DAB1: variants seen among roughly 807,000 people sequenced by gnomAD.
DAB1 encodes the protein disabled homolog 1.
In DAB1, 15 loss-of-function variants were observed where a neutral mutation model predicts 64.6. The ratio of observed to expected loss-of-function variants is 0.23; its 90% CI spans 0.16 to 0.36. The LOEUF (loss-of-function observed/expected upper bound fraction) is 0.36. Among genes scored for constraint, DAB1 ranks in the 10% least tolerant of loss-of-function variants. The pLI is 1.00. For synonymous variants in DAB1, 235 were observed against 251.9 expected, an observed-to-expected ratio of 0.93 and a Z score of 0.64; for missense variants, 596 against 706.7, an observed-to-expected ratio of 0.84 and a Z score of 1.78.
chr1:58,172,228 G>A (rs34184812), intron 4 of DAB1, among the ~76,000 whole-genome samples: 10,485 of 152,216 alleles, frequency 0.069, 406 homozygotes, highest in Admixed American at 0.088. Context: ...TATATGTCAG[G>A]GAGAGCAGGG....
At chr1:58,100,730 T>C (rs1354448916) in intron 5 of DAB1, among the ~76,000 whole-genome samples, 2 of 152,222 alleles carry the variant, frequency 1.3e-5, no homozygotes, top group Non-Finnish European at 2.9e-5. Context: ...CATTCACTGA[T>C]CTGTAAGCCC....
intron 1 of DAB1, among the ~76,000 whole-genome samples, chr1:57,313,102 C>T (rs984594191): frequency 3.9e-5 from 6 of 152,052 alleles, no homozygotes; most frequent in Non-Finnish European, 5.9e-5. Context: ...GATGCAGTGC[C>T]CCAGTTTTTA....
chr1:58,121,510 C>G (rs1300404199), intron 5 of DAB1, among the ~76,000 whole-genome samples: 1 of 152,118 alleles, frequency 6.6e-6, no homozygotes, highest in African/African-American at 2.4e-5. Flanking sequence ...AGGTTCAAGT[C>G]AAAGATTCAG....
chr1:57,956,211 A>G (rs7514570), intron 5 of DAB1, among the ~76,000 whole-genome samples: 1,729 of 152,264 alleles, frequency 0.011, 34 homozygotes, highest in African/African-American at 0.04. Flanking sequence ...CACTCAAGAG[A>G]GAAGAGCTCA....
At chr1:57,149,408 T>A (rs1659452164) in intron 2 of DAB1, among the ~76,000 whole-genome samples, 1 of 152,156 alleles carries the variant, frequency 6.6e-6, no homozygotes, top group Admixed American at 6.5e-5. Flanking sequence ...TGTCAATTTG[T>A]TTTTCCAAAG....
At chr1:58,342,960 C>G (rs1479436866) in intron 4 of DAB1, among the ~76,000 whole-genome samples, 1 of 152,146 alleles carries the variant, frequency 6.6e-6, no homozygotes, top group African/African-American at 2.4e-5. Flanking sequence ...TCAGGTCCCT[C>G]CCTGCATAAA....
At chr1:58,299,795 G>T (rs1179247382) in intron 4 of DAB1, among the ~76,000 whole-genome samples, 1 of 152,260 alleles carries the variant, frequency 6.6e-6, no homozygotes, top group South Asian at 2.1e-4. Flanking sequence ...TAGGGCCTGT[G>T]CATTTGTCTT....
chr1:58,304,845 T>C (rs1371869927), intron 4 of DAB1, among the ~76,000 whole-genome samples: 1 of 152,162 alleles, frequency 6.6e-6, no homozygotes, highest in Non-Finnish European at 1.5e-5. Context: ...ACGATGATCA[T>C]TTCTGTATTC....
intron 5 of DAB1, among the ~76,000 whole-genome samples, chr1:57,936,578 T>C (rs1645027945): frequency 6.6e-6 from 1 of 152,080 alleles, no homozygotes; most frequent in African/African-American, 2.4e-5. Context: ...CTTTTTGTTG[T>C]TTTTATTAGC....
chr1:57,632,681 T>C lies in DAB1; in HGVS notation n.625+16911A>G, dbSNP rs973449098. Reference sequence around the variant, plus strand: ...CTCAGGAGAATGGAATTCTCACTCATGGTAAGAGGAAGTCAAGAGATAACA... The same window carrying C: ...CTCAGGAGAATGGAATTCTCACTCACGGTAAGAGGAAGTCAAGAGATAACA... On this transcript the variant is annotated intron_variant and non_coding_transcript_variant, in intron 7 of 20. Coordinates refer to the DAB1 transcript ENST00000485760. Among the ~76,000 whole-genome samples the C allele has an allele frequency of 3.8e-4, 58 of 152,112 alleles. 1 individual carries two copies. The highest frequency in any genetic ancestry group is 1.2e-3 in the South Asian group (6 of 4,826).
chr1:57,869,173 T>A (rs115677754), intron 1 of DAB1, among the ~76,000 whole-genome samples: 1 of 152,294 alleles, frequency 6.6e-6, no homozygotes, highest in African/African-American at 2.4e-5. Flanking sequence ...AAGTGACTTA[T>A]CCTTCGTCTC....
chr1:57,785,036 AT>A (rs1650275323), intron 6 of DAB1, among the ~76,000 whole-genome samples: 1 of 152,170 alleles, frequency 6.6e-6, no homozygotes, highest in African/African-American at 2.4e-5. Flanking sequence ...ACCAATACTC[AT>A]TTAGTATTCT....
intron 5 of DAB1, among the ~76,000 whole-genome samples, chr1:57,991,909 G>C (rs1397610958): frequency 6.6e-6 from 1 of 151,076 alleles, no homozygotes; most frequent in East Asian, 2.0e-4. Flanking sequence ...TGCTGATGGT[G>C]GAAGGGAGAT....
At chr1:57,530,990 C>G (rs1406045198) in intron 7 of DAB1, among the ~76,000 whole-genome samples, 1 of 152,088 alleles carries the variant, frequency 6.6e-6, no homozygotes, top group East Asian at 1.9e-4. Flanking sequence ...CACTCCAAAC[C>G]CAGTCAGTGA....
rs750987359 is a variant in DAB1 at position 57,348,776 on chromosome 1, A to G, written c.-136-57610T>C. 1.6e-4 allele frequency among the ~76,000 whole-genome samples: 25 copies of G among 152,052 alleles called. 1 individual carries two copies. Among genetic ancestry groups the G allele is most frequent in the South Asian group, 8.3e-4 (4 of 4,820 alleles). The stretch of plus-strand genomic sequence containing the variant: ...AACTACACAAAGTCTGAGCCATGTC[A>G]CTTAGCTCCACTGGAAATGCCTCCC... On this transcript the variant is annotated intron_variant, in intron 1 of 14. Coordinates refer to ENST00000371236, the MANE Select transcript of DAB1 (RefSeq NM_001365792.1).
intron 1 of DAB1, among the ~76,000 whole-genome samples, chr1:57,858,544 T>C (rs948839513): frequency 4.0e-5 from 6 of 151,784 alleles, no homozygotes; most frequent in South Asian, 2.1e-4. Context: ...AAAAAAGCCA[T>C]TATCATTGAT....
chr1:57,007,678 C>G (rs752147305), intron 14 of DAB1, among the ~76,000 whole-genome samples: 1 of 152,190 alleles, frequency 6.6e-6, no homozygotes, highest in Non-Finnish European at 1.5e-5. Flanking sequence ...TCCCTACTTA[C>G]TCAGAACTGT....
At chr1:57,486,466 G>C (rs933093342) in intron 7 of DAB1, among the ~76,000 whole-genome samples, 1 of 152,176 alleles carries the variant, frequency 6.6e-6, no homozygotes, top group African/African-American at 2.4e-5. Flanking sequence ...AAGCAGCATA[G>C]TTTGTACCTG....
intron 4 of DAB1, among the ~76,000 whole-genome samples, chr1:57,108,658 C>G (rs956459470): frequency 6.6e-6 from 1 of 152,170 alleles, no homozygotes; most frequent in Admixed American, 6.5e-5. Flanking sequence ...TATGAACTCC[C>G]TAAGTCCAGT....
Sources: allele counts gnomAD v4.1 joint callset (sites outside exome capture counted in the v4.1 genomes callset), GRCh38; gene constraint gnomAD v4.1.1; transcripts MANE v1.5; gene names NCBI Gene and HGNC (gene_info 2026-07-23, HGNC 2026-07-21).